Variants in DLGAP4 observed in about 807,000 individuals in gnomAD.
DLGAP4 encodes the protein disks large-associated protein 4.
In DLGAP4, 18 loss-of-function variants were observed where a neutral mutation model predicts 86.9. The observed-to-expected ratio is 0.21, with a 90% CI of 0.14 to 0.31. The LOEUF is 0.31. DLGAP4 is among the 10% of genes least tolerant of loss of function. The pLI is 1.00. For synonymous variants in DLGAP4, 548 were observed against 574.3 expected, an observed-to-expected ratio of 0.95 and a Z score of 0.65; for missense variants, 1,085 against 1,362.6, an observed-to-expected ratio of 0.80 and a Z score of 3.21.
Position 36,431,938 on chromosome 20 carries a change from T to A in DLGAP4, c.221T>A (p.Ile74Asn). Reference protein sequence around the residue: ...LPPPSSTFPRIHYNSHFEVPE... With the variant: ...LPPPSSTFPRNHYNSHFEVPE... ...CCGCCCAGCAGCACCTTTCCCCGCA[T>A]CCACTACAACTCCCACTTCGAGGTG... The change falls in exon 3 of 13, where the codon ATC (isoleucine) becomes AAC (asparagine). Residue 74 changes from isoleucine (I) to asparagine (N), a missense_variant. By Grantham distance (149) the Ile-to-Asn change is moderately radical. Coordinates refer to ENST00000339266, the MANE Select transcript of DLGAP4 (RefSeq NM_001365621.2). The surrounding 1 kb of genome is among the most constrained non-coding windows in gnomAD (Gnocchi z 5.1). 1 of 1,614,092 alleles carries A rather than the reference T, an allele frequency of 6.2e-7. No individual in the cohort carries two copies. Among genetic ancestry groups the A allele is most frequent in the South Asian group, 1.1e-5 (1 of 91,068 alleles).
chr20:36,469,761 A>AG (rs1384353654), intron 7 of DLGAP4, among the ~76,000 whole-genome samples: 1 of 151,904 alleles, frequency 6.6e-6, no homozygotes, highest in African/African-American at 2.4e-5. Flanking sequence ...TCAAAAAAAA[A>AG]AAAAAAAAAG....
At chr20:36,401,730 C>T (rs193076626) in intron 2 of DLGAP4, among the ~76,000 whole-genome samples, 2 of 152,276 alleles carry the variant, frequency 1.3e-5, no homozygotes, top group African/African-American at 2.4e-5. Flanking sequence ...AAATGAAGAC[C>T]GCTTTTGACA....
intron 1 of DLGAP4, among the ~76,000 whole-genome samples, chr20:36,321,170 A>G (rs906242386): frequency 9.9e-5 from 15 of 152,126 alleles, no homozygotes; most frequent in Non-Finnish European, 1.9e-4. Context: ...TTCTCGGAGG[A>G]GGGAGTGGTC....
At chr20:36,390,553 G>GA (rs1162664851) in intron 2 of DLGAP4, among the ~76,000 whole-genome samples, 1 of 152,154 alleles carries the variant, frequency 6.6e-6, no homozygotes, top group Non-Finnish European at 1.5e-5. Context: ...CAGAGGCCCA[G>GA]AATAGCAATC....
intron 7 of DLGAP4, among the ~76,000 whole-genome samples, chr20:36,451,570 C>T (rs893482707): frequency 2.6e-5 from 4 of 151,954 alleles, no homozygotes; most frequent in Non-Finnish European, 5.9e-5. Context: ...AGGCTAGTGT[C>T]GAACTCCTGA....
chr20:36,418,571 GTC>G (rs2032731097), intron 2 of DLGAP4, among the ~76,000 whole-genome samples: 1 of 152,204 alleles, frequency 6.6e-6, no homozygotes, highest in South Asian at 2.1e-4. Flanking sequence ...GACCCACAGA[GTC>G]TCTGCTGAAG....
chr20:36,424,703 G>A (rs1452823483), intron 2 of DLGAP4, among the ~76,000 whole-genome samples: 2 of 151,634 alleles, frequency 1.3e-5, no homozygotes, highest in South Asian at 2.1e-4. Context: ...AAAGTTACGG[G>A]CACATGGACT....
rs150324916 is a variant in DLGAP4, at chr20:36,409,907, G to A, written c.-72-21739G>A. ...AAATTAGCCGGGTATGGTGGCGGGC[G>A]CCTATAGTCCCAGCTACTCGGGAGG... On this transcript the variant is annotated intron_variant, in intron 2 of 12. Coordinates refer to ENST00000339266, the MANE Select transcript of DLGAP4 (RefSeq NM_001365621.2). 8.0e-3 allele frequency among the ~76,000 whole-genome samples: 1,179 copies of A among 147,406 alleles called. 17 individuals are homozygous for A. The highest frequency in any genetic ancestry group is 0.028 in the African/African-American group (1,124 of 39,888).
chr20:36,320,010 G>A (rs1375775445), intron 1 of DLGAP4, among the ~76,000 whole-genome samples: 3 of 150,442 alleles, frequency 2.0e-5, no homozygotes, highest in African/African-American at 7.3e-5. Flanking sequence ...TCTCCTCCAG[G>A]CCTCCCTCTG....
At chr20:36,454,266 A>T (rs1469269747) in intron 7 of DLGAP4, among the ~76,000 whole-genome samples, 2 of 151,710 alleles carry the variant, frequency 1.3e-5, no homozygotes, top group Non-Finnish European at 2.9e-5. Flanking sequence ...CTCAAAAAAA[A>T]AAAAAAGATA....
chr20:36,364,310 C>T (rs967700229), intron 1 of DLGAP4, among the ~76,000 whole-genome samples: 9 of 152,054 alleles, frequency 5.9e-5, no homozygotes, highest in Middle Eastern at 3.2e-3. Flanking sequence ...ACTTTTGAGG[C>T]TGAGGCAGGA....
intron 1 of DLGAP4, among the ~76,000 whole-genome samples, chr20:36,310,687 C>A: frequency 1.3e-5 from 2 of 152,218 alleles, no homozygotes; most frequent in Middle Eastern, 6.8e-3. Context: ...GGTTTGGATC[C>A]AGAGCAAGCC....
intron 2 of DLGAP4, among the ~76,000 whole-genome samples, chr20:36,368,292 A>G (rs990900331): frequency 6.6e-6 from 1 of 152,138 alleles, no homozygotes; most frequent in Non-Finnish European, 1.5e-5. Flanking sequence ...CAAGGTGGCC[A>G]GCCCCTCTGG....
chr20:36,352,617 G>A (rs781794825), intron 1 of DLGAP4, among the ~76,000 whole-genome samples: 2 of 152,180 alleles, frequency 1.3e-5, no homozygotes, highest in Non-Finnish European at 2.9e-5. Flanking sequence ...AGTGGGATGG[G>A]GAAAACTACA....
rs573540635 is a variant in DLGAP4 at position 36,308,595 on chromosome 20, C to T, written c.-304+2083C>T. Reference sequence around the variant, plus strand: ...CTTTGGAGCTTTCGGGAGACGCTGACGTATCGGATGTATCGGGGCACCCAC... The same window carrying T: ...CTTTGGAGCTTTCGGGAGACGCTGATGTATCGGATGTATCGGGGCACCCAC... On this transcript the variant is annotated intron_variant, in intron 1 of 12. Coordinates refer to ENST00000339266, the MANE Select transcript of DLGAP4 (RefSeq NM_001365621.2). The surrounding 1 kb of genome is among the most constrained non-coding windows in gnomAD (Gnocchi z 4.5). Among the ~76,000 whole-genome samples the T allele has an allele frequency of 2.0e-5, 3 of 152,266 alleles. No homozygotes were observed. Among genetic ancestry groups the T allele is most frequent in the African/African-American group, 7.2e-5 (3 of 41,556 alleles).
chr20:36,336,403 A>G (rs1215869094), intron 1 of DLGAP4, among the ~76,000 whole-genome samples: 1 of 152,020 alleles, frequency 6.6e-6, no homozygotes, highest in African/African-American at 2.4e-5. Context: ...CCTGTGTTAA[A>G]TGTCGCCTCC....
At chr20:36,476,308 T>C (rs1018190887) in intron 7 of DLGAP4, among the ~76,000 whole-genome samples, 4 of 146,514 alleles carry the variant, frequency 2.7e-5, no homozygotes, top group Non-Finnish European at 6.0e-5. Flanking sequence ...GCCTGGTCCC[T>C]GGCAACCACC....
chr20:36,498,955 C>T, intron 8 of DLGAP4: 1 of 386,798 alleles, frequency 2.6e-6, no homozygotes, highest in Non-Finnish European at 4.7e-6. Context: ...CAGGGCCACC[C>T]AGTGCTAAAG....
At position 36,359,095 on chromosome 20, in the gene DLGAP4, A is replaced by G. The variant is rs1379481795; in HGVS notation, c.-303-7950A>G. 3.9e-5 allele frequency among the ~76,000 whole-genome samples: 6 copies of G among 152,204 alleles called. No individual in the cohort carries two copies. The East Asian group carries it at 1.2e-3, about 29-fold the overall frequency. ...GGCTATTGAACTTCAAATTAAATTT[A>G]AAAATCAGTTTTGTATTTTATTTAA... is the stretch of plus-strand genomic sequence containing the variant. On this transcript the variant is annotated intron_variant, in intron 1 of 12. Transcript: ENST00000339266.
Sources: gnomAD v4.1 joint callset for allele counts (sites outside exome capture counted in the v4.1 genomes callset) on GRCh38, gnomAD v4.1.1 for gene constraint, Gnocchi (gnomAD v3.1) non-coding constraint, MANE v1.5 for transcripts, NCBI Gene and HGNC (gene_info 2026-07-23, HGNC 2026-07-21) for gene names.